The following NBAS variants were observed in gnomAD, a reference collection of about 807,000 sequenced individuals.
NBAS encodes NBAS subunit of NRZ tethering complex.
Under a neutral mutation model 302.5 loss-of-function variants are expected in NBAS, and 219 were observed. The ratio of observed to expected loss-of-function variants is 0.72; its 90% CI spans 0.65 to 0.81. NBAS has a LOEUF of 0.81. Among genes scored for constraint, NBAS ranks in the 30% least tolerant of loss-of-function variants. The pLI, the probability that NBAS is intolerant of heterozygous loss-of-function variation, is 0.00. For missense variants in NBAS, 2,932 were observed against 2,841.6 expected (o/e 1.03, Z -0.72); for synonymous variants, 1,118 against 1,021.6 (o/e 1.09, Z -1.80).
the NBAS span, among the ~76,000 whole-genome samples, chr2:15,014,571 T>C: frequency 6.6e-6 from 1 of 151,962 alleles, no homozygotes; most frequent in Non-Finnish European, 1.5e-5. Context: ...TTAAAATTCC[T>C]CGAAACAAAT....
At chr2:14,793,094 C>G in the NBAS span, among the ~76,000 whole-genome samples, 1 of 151,996 alleles carries the variant, frequency 6.6e-6, no homozygotes, top group South Asian at 2.1e-4. Context: ...CTCTCTCTCT[C>G]TCTCTGCTAT....
At chr2:15,445,957 A>G (rs73200634) in intron 21 of NBAS, among the ~76,000 whole-genome samples, 1,844 of 152,084 alleles carry the variant, frequency 0.012, 35 homozygotes, top group African/African-American at 0.042. Flanking sequence ...AGTCAGAAGA[A>G]AAGAATAGCA....
intron 28 of NBAS, among the ~76,000 whole-genome samples, chr2:15,385,324 T>C (rs980320976): frequency 1.4e-4 from 21 of 152,170 alleles, no homozygotes; most frequent in Admixed American, 1.4e-3. Flanking sequence ...TGCACACACT[T>C]GATAAAATCA....
intron 44 of NBAS, 80 bp from the exon 45 acceptor site, chr2:15,238,766 C>A: frequency 7.7e-7 from 1 of 1,290,966 alleles, no homozygotes; most frequent in Non-Finnish European, 1.1e-6. Flanking sequence ...TGAGTTAGAA[C>A]AAAAGTGAAA....
At chr2:15,440,698 C>G (rs913783295) in intron 21 of NBAS, among the ~76,000 whole-genome samples, 1 of 151,950 alleles carries the variant, frequency 6.6e-6, no homozygotes, top group Non-Finnish European at 1.5e-5. Flanking sequence ...TCAGATGATC[C>G]AACTACTCCG....
the NBAS span, among the ~76,000 whole-genome samples, chr2:15,068,391 G>A: frequency 2.0e-5 from 3 of 152,146 alleles, no homozygotes; most frequent in Non-Finnish European, 2.9e-5. Context: ...TGGAGACACC[G>A]AGGAAGGCAA....
the NBAS span, among the ~76,000 whole-genome samples, chr2:15,029,219 T>G: frequency 2.0e-5 from 3 of 152,204 alleles, no homozygotes; most frequent in Non-Finnish European, 2.9e-5. Flanking sequence ...CGTAGAGAAC[T>G]CTCTAAAAAA....
Position 15,265,014 on chromosome 2 carries a change from G to A in NBAS, c.5724+10470C>T, listed in dbSNP as rs371846390. 1.2e-4 allele frequency among the ~76,000 whole-genome samples: 19 copies of A among 152,194 alleles called. No homozygotes were observed. In the South Asian group the frequency reaches 3.3e-3, roughly 27 times the overall value. ...CTATTCACAAGTATTCATCGGCTTC[G>A]TGTTTCCTTTCCACATCATATGCAA... On this transcript the variant is annotated intron_variant, in intron 44 of 51. Transcript: ENST00000281513.
chr2:15,324,829 C>T (rs1303902063), intron 38 of NBAS, among the ~76,000 whole-genome samples: 2 of 152,218 alleles, frequency 1.3e-5, no homozygotes, highest in East Asian at 1.9e-4. Flanking sequence ...TAAAGCTCCA[C>T]AAGAGAACGT....
chr2:15,225,647 G>C (rs1389514640), intron 47 of NBAS, among the ~76,000 whole-genome samples: 1 of 152,192 alleles, frequency 6.6e-6, no homozygotes, highest in Admixed American at 6.5e-5. Flanking sequence ...AGCTGAGACT[G>C]TGGTGAAGTA....
At chr2:15,415,744 G>C (rs751908456) in intron 24 of NBAS, 25 bp from the exon 25 acceptor site, 1 of 1,613,230 alleles carries the variant, frequency 6.2e-7, no homozygotes, top group South Asian at 1.1e-5. Flanking sequence ...AAGCAAAACA[G>C]ACAAACAAGA....
At chr2:14,807,852 C>T in the NBAS span, among the ~76,000 whole-genome samples, 12 of 152,122 alleles carry the variant, frequency 7.9e-5, no homozygotes, top group Non-Finnish European at 1.6e-4. Flanking sequence ...ATAATTCATA[C>T]AAGCATTGGG....
intron 42 of NBAS, among the ~76,000 whole-genome samples, chr2:15,277,373 A>G (rs187120795): frequency 6.6e-6 from 1 of 152,220 alleles, no homozygotes; most frequent in African/African-American, 2.4e-5. Context: ...AAGTTCCTGC[A>G]GTTGGGAGAG....
the NBAS span, among the ~76,000 whole-genome samples, chr2:14,956,358 A>G: frequency 6.6e-5 from 10 of 152,162 alleles, no homozygotes; most frequent in Non-Finnish European, 1.3e-4. Context: ...AAACTTTCCC[A>G]TATTTTTCTG....
intron 6 of NBAS, among the ~76,000 whole-genome samples, chr2:15,549,464 C>T (rs1187335705): frequency 2.0e-5 from 3 of 152,188 alleles, no homozygotes; most frequent in Non-Finnish European, 4.4e-5. Flanking sequence ...CACAGTGGCT[C>T]ATGCCTGTAA....
At chr2:15,062,852 G>C in the NBAS span, among the ~76,000 whole-genome samples, 1 of 152,184 alleles carries the variant, frequency 6.6e-6, no homozygotes, top group African/African-American at 2.4e-5. Context: ...AAACTAAGCA[G>C]TCAATCAAAA....
Position 15,467,821 on chromosome 2 carries a change from A to G in NBAS, c.1878-17T>C. 6.4e-7 allele frequency: 1 copy of G among 1,557,638 alleles called. No individual in the cohort carries two copies. Among genetic ancestry groups the G allele is most frequent in the Non-Finnish European group, 8.8e-7 (1 of 1,131,870 alleles). On this transcript the variant is annotated splice_polypyrimidine_tract_variant and intron_variant, in intron 17 of 51. Coordinates refer to ENST00000281513, the MANE Select transcript of NBAS (RefSeq NM_015909.4). ...AATGTAAATCTGCAAGTATAAAAGAACAAATATATTTTCATCATTTTTAAA... is the reference window on the plus strand; with the variant it reads ...AATGTAAATCTGCAAGTATAAAAGAGCAAATATATTTTCATCATTTTTAAA...
intron 11 of NBAS, among the ~76,000 whole-genome samples, chr2:15,491,613 G>A (rs886780654): frequency 2.0e-5 from 3 of 152,106 alleles, no homozygotes; most frequent in South Asian, 4.2e-4. Flanking sequence ...GTGGGCGCCT[G>A]TAGTCCCAAC....
In NBAS at chr2:15,493,149, C is replaced by T. The variant is rs1004156577; in HGVS notation, c.955-4127G>A. On this transcript the variant is annotated intron_variant, in intron 11 of 51. Transcript: ENST00000281513. ...TATCTCCTTCCTATTGCCATTAAGA[C>T]CTGCTTTGTTTCCCCTTCATCTTCC... Among the ~76,000 whole-genome samples the T allele has an allele frequency of 8.5e-5, 13 of 152,286 alleles. No homozygotes were observed. In the South Asian group the frequency reaches 1.9e-3, roughly 22 times the overall value.
Sources: gnomAD v4.1 joint callset for allele counts (sites outside exome capture counted in the v4.1 genomes callset) on GRCh38, gnomAD v4.1.1 for gene constraint, MANE v1.5 for transcripts, NCBI Gene and HGNC (gene_info 2026-07-23, HGNC 2026-07-21) for gene names.